ING4: variants seen among roughly 807,000 people sequenced by gnomAD.
The protein encoded by ING4 is inhibitor of growth family member 4.
ING4 carries 28 observed loss-of-function variants against 33.1 expected under a neutral mutation model. The ratio of observed to expected loss-of-function variants is 0.85; its 90% confidence interval spans 0.63 to 1.16. ING4 has a LOEUF of 1.16. Ranked by LOEUF, ING4 falls within the 50% of genes most tolerant of loss-of-function variation. ING4 has a pLI of 0.00. For synonymous variants in ING4, 87 were observed against 104.4 expected (o/e 0.83, Z 1.02); for missense variants, 247 against 314.7 (o/e 0.78, Z 1.63).
intron 2 of ING4, 152 bp from the exon 3 acceptor site, chr12:6,653,548 A>G (rs112505199): frequency 6.9e-6 from 5 of 727,286 alleles, no homozygotes; most frequent in Middle Eastern, 3.9e-4. Context: ...CCATGCACTC[A>G]AGTAATGGAA....
intron 2 of ING4, chr12:6,655,954 T>C (rs1363077323): frequency 6.6e-6 from 3 of 451,990 alleles, no homozygotes; most frequent in African/African-American, 4.0e-5. Context: ...TGTCAATTAC[T>C]GCTTTTTTTT....
In ING4 at chr12:6,651,361, C is replaced by G; in HGVS notation, c.670G>C (p.Ala224Pro). The G allele has an allele frequency of 6.2e-7, 1 of 1,614,074 alleles. No individual in the cohort carries two copies. Among genetic ancestry groups the G allele is most frequent in the Non-Finnish European group, 8.5e-7 (1 of 1,179,992 alleles). ...PDCSIEWFHFACVGLTTKPRG... is the reference protein window; with the variant it reads ...PDCSIEWFHFPCVGLTTKPRG... The stretch of plus-strand genomic sequence containing the variant: ...GGCTTGGTTGTCAGCCCCACACAGG[C>G]AAAATGGAACCACTCAATGGAACAC... The change falls in exon 7 of 8, where the codon GCC (alanine) becomes CCC (proline). Residue 224 changes from alanine to proline, a missense_variant. Ala to Pro is a conservative substitution (Grantham distance 27, BLOSUM62 -1). Transcript: ENST00000341550.
intron 2 of ING4, among the ~76,000 whole-genome samples, chr12:6,653,688 G>C (rs917606031): frequency 5.3e-5 from 8 of 152,102 alleles, no homozygotes; most frequent in African/African-American, 1.7e-4. Flanking sequence ...GTGTATTTTT[G>C]TCCATGTTTG....
Position 6,653,314 on chromosome 12 carries a change from A to G in ING4, c.192T>C (p.Leu64=), listed in dbSNP as rs759924168. ...CATAGGCTTCCTGGATCTGTTTGAG[A>G]AGGGCCAATTTTTCCTCGGAGCTCA... The part of the protein sequence containing the change: ...RSLSSEEKLA[L]LKQIQEAYGK... The change falls in exon 3 of 8, where the codon CTT becomes CTC. Residue 64 remains leucine (L), a synonymous_variant. Coordinates refer to ENST00000341550, the MANE Select transcript of ING4 (RefSeq NM_016162.4). The G allele has an allele frequency of 5.0e-6, 8 of 1,614,046 alleles. No homozygotes were observed. Among genetic ancestry groups the G allele is most frequent in the East Asian group, 2.2e-5 (1 of 44,892 alleles).
rs368401528 is a variant in ING4 at position 6,661,397 on chromosome 12, C to G, written c.37+1668G>C. On this transcript the variant is annotated intron_variant, in intron 1 of 7. Transcript: ENST00000341550. Reference sequence around the variant, plus strand: ...AGGCATGAGCCACCGTGCCTGGCCACCAGCCTTTGTTTTTTTTTTTTTTTT... The same window carrying G: ...AGGCATGAGCCACCGTGCCTGGCCAGCAGCCTTTGTTTTTTTTTTTTTTTT... Among the ~76,000 whole-genome samples the G allele has an allele frequency of 4.0e-5, 6 of 148,366 alleles. No homozygotes were observed. The East Asian group carries it at 6.0e-4, about 15-fold the overall frequency.
At chr12:6,656,387 C>T in intron 2 of ING4, 2 of 248,318 alleles carry the variant, frequency 8.1e-6, no homozygotes, top group South Asian at 8.8e-5. Context: ...TGTGGCCAGG[C>T]TGATCTCAAA....
At position 6,658,962 on chromosome 12, in the gene ING4, C is replaced by T. The variant is rs4764505; in HGVS notation, c.38-2164G>A. Among the ~76,000 whole-genome samples, 911 of 152,298 alleles carry T rather than the reference C, an allele frequency of 6.0e-3. 15 individuals carry two copies. The highest frequency in any genetic ancestry group is 0.021 in the African/African-American group (866 of 41,558). On this transcript the variant is annotated intron_variant, in intron 1 of 7. Transcript: ENST00000341550. ...CTCTCTAGTTGGAATGCACCGCTCG[C>T]TTTTCCTCATCCCATCCACCCCATC...
chr12:6,653,501 T>C lies in ING4; in HGVS notation c.110-105A>G, dbSNP rs1438225327. 7 of 1,129,984 alleles carry C rather than the reference T, an allele frequency of 6.2e-6. No individual in the cohort carries two copies. The East Asian group carries it at 1.8e-4, about 29-fold the overall frequency. The allele number at this position is 1,129,984 out of a possible 1,614,324, so 70.0% of individuals were successfully genotyped here. Reference sequence around the variant, plus strand: ...CCTTTTCCATTGATTAGCATAACCTTCCAACTAAAAAGTACTGAATGTTCA... The same window carrying C: ...CCTTTTCCATTGATTAGCATAACCTCCCAACTAAAAAGTACTGAATGTTCA... On this transcript the variant is annotated intron_variant, in intron 2 of 7. Coordinates refer to ENST00000341550, the MANE Select transcript of ING4 (RefSeq NM_016162.4).
chr12:6,655,633 C>T (rs553836718), intron 2 of ING4: 2 of 1,143,150 alleles, frequency 1.7e-6, no homozygotes, highest in Admixed American at 4.4e-5. Flanking sequence ...CAATCTGGTT[C>T]TCACCATTCG....
intron 6 of ING4, 140 bp downstream of exon 6, chr12:6,652,131 A>T: frequency 9.2e-7 from 1 of 1,084,374 alleles, no homozygotes; most frequent in Admixed American, 2.3e-5. Flanking sequence ...AAGTGCTGGG[A>T]TTTCAGGCAA....
chr12:6,653,168 A>T, intron 3 of ING4, 62 bp downstream of exon 3: 1 of 1,599,126 alleles, frequency 6.3e-7, no homozygotes, highest in South Asian at 1.1e-5. Context: ...CAGTTGAAGG[A>T]GGGGTCTAAG....
At chr12:6,655,009 G>T (rs954377847) in intron 2 of ING4, among the ~76,000 whole-genome samples, 1 of 151,808 alleles carries the variant, frequency 6.6e-6, no homozygotes, top group Non-Finnish European at 1.5e-5. Context: ...ACAGACATGA[G>T]CCACGGCACC....
chr12:6,659,295 C>A (rs1438912608), intron 1 of ING4, among the ~76,000 whole-genome samples: 2 of 152,030 alleles, frequency 1.3e-5, no homozygotes, highest in Non-Finnish European at 2.9e-5. Flanking sequence ...GTGGCTCATG[C>A]CTGTAATTCT....
At chr12:6,657,059 C>A (rs1592326045) in intron 1 of ING4, among the ~76,000 whole-genome samples, 1 of 152,146 alleles carries the variant, frequency 6.6e-6, no homozygotes, top group Admixed American at 6.5e-5. Flanking sequence ...GAGGCTGAGG[C>A]ATGAGAATCA....
chr12:6,652,785 G>A lies in ING4; in HGVS notation c.392-18C>T. 6.2e-7 allele frequency: 1 copy of A among 1,611,728 alleles called. No homozygotes were observed. The highest frequency in any genetic ancestry group is 8.5e-7 in the Non-Finnish European group (1 of 1,177,998). On this transcript the variant is annotated intron_variant, in intron 4 of 7. Coordinates refer to ENST00000341550, the MANE Select transcript of ING4 (RefSeq NM_016162.4). ...AGTCCGGCCTTCTAGGGAAGAGGGA[G>A]AAAGCCAGAAGGCAGGGAGACAGAA... is the stretch of plus-strand genomic sequence containing the variant.
At position 6,653,259 on chromosome 12, in the gene ING4, C is replaced by A. The variant is rs1012002839; in HGVS notation, c.247G>T (p.Val83Leu). The change falls in exon 3 of 8, where the codon GTG becomes TTG. Residue 83 changes from valine (V) to leucine (L), a missense_variant. Val to Leu is a conservative substitution (Grantham distance 32, BLOSUM62 1). Around this residue, in one of 3 missense-constraint regions of ING4, gnomAD observed 198 missense variants for 221.2 expected, o/e 0.89. Coordinates refer to ENST00000341550, the MANE Select transcript of ING4 (RefSeq NM_016162.4). ...TCATAGGTCTGCATGGCAAGCTGCA[C>A]CTTGTCGTCACCAAATTCCTTGCAC... ...GKCKEFGDDK[V>L]QLAMQTYEMV... 2 of 1,614,048 alleles carry A rather than the reference C, an allele frequency of 1.2e-6. No homozygotes were observed. Among genetic ancestry groups the A allele is most frequent in the African/African-American group, 2.7e-5 (2 of 74,910 alleles).
At chr12:6,651,602 C>T (rs1255807427) in intron 6 of ING4, among the ~76,000 whole-genome samples, 1 of 152,206 alleles carries the variant, frequency 6.6e-6, no homozygotes, top group East Asian at 1.9e-4. Flanking sequence ...AATGCAATGA[C>T]ATGATCTCAG....
intron 1 of ING4, among the ~76,000 whole-genome samples, chr12:6,659,947 C>CA (rs1238335603): frequency 6.6e-6 from 1 of 151,622 alleles, no homozygotes; most frequent in Non-Finnish European, 1.5e-5. Flanking sequence ...AAGACTGTTT[C>CA]AAAAAACAAA....
chr12:6,653,229 C>G lies in ING4; in HGVS notation c.276+1G>C. 3.1e-6 allele frequency: 5 copies of G among 1,613,954 alleles called. No individual in the cohort carries two copies. The highest frequency in any genetic ancestry group is 4.2e-6 in the Non-Finnish European group (5 of 1,179,924). ...GTGGGGAGCCATGAACAGGGCCATA[C>G]CATCTCATAGGTCTGCATGGCAAGC... On this transcript the variant is annotated splice_donor_variant, in intron 3 of 7. Coordinates refer to ENST00000341550, the MANE Select transcript of ING4 (RefSeq NM_016162.4). LOFTEE classifies it high-confidence loss of function.
Sources: allele counts gnomAD v4.1 joint callset (sites outside exome capture counted in the v4.1 genomes callset), GRCh38; gene constraint gnomAD v4.1.1; regional missense constraint gnomAD v4.1.1; transcripts MANE v1.5; gene names NCBI Gene and HGNC (gene_info 2026-07-23, HGNC 2026-07-21).